The following NPHP4 variants were observed in gnomAD, a reference collection of about 807,000 sequenced individuals.
The protein encoded by NPHP4 is nephrocystin 4.
In NPHP4, 151 loss-of-function variants were observed where a neutral mutation model predicts 155.8. That is an observed-to-expected ratio of 0.97 (90% CI 0.85 to 1.11). The LOEUF is 1.11. NPHP4 is among the 50% of genes least tolerant of loss of function. The pLI is 0.00. For missense variants in NPHP4, 1,956 were observed against 1,925.7 expected (o/e 1.02, Z -0.29); for synonymous variants, 845 against 816.8 (o/e 1.03, Z -0.59).
intron 11 of NPHP4, among the ~76,000 whole-genome samples, chr1:5,924,861 G>A (rs1645917636): frequency 6.6e-6 from 1 of 152,052 alleles, no homozygotes; most frequent in South Asian, 2.1e-4. Flanking sequence ...TTGCTATGTT[G>A]CCCAGGCTGG....
Position 5,866,422 on chromosome 1 carries a change from C to T in NPHP4, c.3595G>A (p.Ala1199Thr). 6.2e-7 allele frequency: 1 copy of T among 1,607,826 alleles called. No homozygotes were observed. Among genetic ancestry groups the T allele is most frequent in the Non-Finnish European group, 8.5e-7 (1 of 1,176,662 alleles). Residue 1199 changes from alanine (A) to threonine (T), a missense_variant, in exon 26 of 30, where the codon GCC becomes ACC. Coordinates refer to ENST00000378156, the MANE Select transcript of NPHP4 (RefSeq NM_015102.5). ...TTGATCTCCGGGCTTGGACCACTGG[C>T]CACCTTCAGAAATATGTCCCGTGGT... is the stretch of plus-strand genomic sequence containing the variant. ...GEPRDIFLKVASGPSPEIKDF... is the reference protein window; with the variant it reads ...GEPRDIFLKVTSGPSPEIKDF...
At chr1:5,878,700 C>T (rs1642876747) in intron 19 of NPHP4, among the ~76,000 whole-genome samples, 1 of 152,236 alleles carries the variant, frequency 6.6e-6, no homozygotes, top group South Asian at 2.1e-4. Flanking sequence ...GACCTCAGGG[C>T]CTCTGATTGT....
At position 5,906,013 on chromosome 1, in the gene NPHP4, T is replaced by C. The variant is rs945271313; in HGVS notation, c.1612-230A>G. 3.9e-5 allele frequency among the ~76,000 whole-genome samples: 6 copies of C among 152,238 alleles called. No homozygotes were observed. The East Asian group carries it at 1.2e-3, about 29-fold the overall frequency. On this transcript the variant is annotated intron_variant, in intron 13 of 29. Coordinates refer to ENST00000378156, the MANE Select transcript of NPHP4 (RefSeq NM_015102.5). ...TATACTTACACTAAAAAATTATTTG[T>C]TGTGTACCTGAGGTTCAAATTTAAC...
chr1:5,947,317 A>G, intron 8 of NPHP4, 87 bp from the exon 9 acceptor site: 1 of 1,470,628 alleles, frequency 6.8e-7, no homozygotes, highest in South Asian at 1.2e-5. Flanking sequence ...AGAACAGTCA[A>G]GGGGACACCC....
chr1:5,987,204 T>C (rs1029594580), intron 1 of NPHP4, among the ~76,000 whole-genome samples: 2 of 152,148 alleles, frequency 1.3e-5, no homozygotes, highest in African/African-American at 4.8e-5. Flanking sequence ...TTGAGTGTTA[T>C]CTGATCCTGT....
chr1:5,900,148 A>G (rs185549245), intron 16 of NPHP4, among the ~76,000 whole-genome samples: 113 of 152,350 alleles, frequency 7.4e-4, no homozygotes, highest in African/African-American at 2.7e-3. Context: ...GGAAGACAGT[A>G]TGGTGACTCC....
intron 2 of NPHP4, among the ~76,000 whole-genome samples, chr1:5,983,932 C>G (rs1655093442): frequency 6.6e-6 from 1 of 152,096 alleles, no homozygotes; most frequent in African/African-American, 2.4e-5. Flanking sequence ...TTAGAGTGCA[C>G]TTTTTTGTAA....
intron 5 of NPHP4, 74 bp from the exon 6 acceptor site, chr1:5,962,023 C>G (rs991187253): frequency 8.3e-7 from 1 of 1,206,486 alleles, no homozygotes; most frequent in South Asian, 1.4e-5. Context: ...AGCCAATTAA[C>G]AGAGAATGTT....
At position 5,865,073 on chromosome 1, in the gene NPHP4, G is replaced by T. The variant is rs1180029312; in HGVS notation, c.3816+29C>A. 10 of 1,608,166 alleles carry T rather than the reference G, an allele frequency of 6.2e-6. 1 individual carries two copies. The highest frequency in any genetic ancestry group is 5.3e-5 in the African/African-American group (4 of 74,828). On this transcript the variant is annotated intron_variant, in intron 27 of 29. Coordinates refer to ENST00000378156, the MANE Select transcript of NPHP4 (RefSeq NM_015102.5). Reference sequence around the variant, plus strand: ...GTCTCCAGGCTGGGGTTGGGGAGAGGCTCAGAACAGCCCCCAGAGAGGCCG... The same window carrying T: ...GTCTCCAGGCTGGGGTTGGGGAGAGTCTCAGAACAGCCCCCAGAGAGGCCG...
At chr1:5,983,610 G>A (rs1165345314) in intron 2 of NPHP4, among the ~76,000 whole-genome samples, 3 of 152,130 alleles carry the variant, frequency 2.0e-5, no homozygotes, top group Non-Finnish European at 4.4e-5. Context: ...ATCTTGCTCT[G>A]TATCCTTCTG....
At chr1:5,933,117 G>T in intron 10 of NPHP4, 30 bp downstream of exon 10, 1 of 1,457,290 alleles carries the variant, frequency 6.9e-7, no homozygotes. Context: ...AAGCTCACCG[G>T]AGATGCATAA....
At chr1:5,949,557 G>A (rs1647533278) in intron 7 of NPHP4, among the ~76,000 whole-genome samples, 1 of 152,068 alleles carries the variant, frequency 6.6e-6, no homozygotes, top group Admixed American at 6.6e-5. Flanking sequence ...AAGGCCAGCT[G>A]CTCCCAGGAA....
At chr1:5,880,448 C>A (rs1484409982) in intron 18 of NPHP4, 18 of 551,516 alleles carry the variant, frequency 3.3e-5, no homozygotes, top group Non-Finnish European at 5.8e-5. Flanking sequence ...GGTCTTCATT[C>A]TCCTGCCGTG....
chr1:5,940,471 G>A (rs567813056), intron 9 of NPHP4, among the ~76,000 whole-genome samples: 6 of 152,086 alleles, frequency 3.9e-5, no homozygotes, highest in Non-Finnish European at 8.8e-5. Context: ...AGCAACCAGG[G>A]AAAGGGGACA....
chr1:5,988,271 C>A (rs558990264), intron 1 of NPHP4, among the ~76,000 whole-genome samples: 1 of 152,322 alleles, frequency 6.6e-6, no homozygotes, highest in Admixed American at 6.5e-5. Flanking sequence ...CACAATGACC[C>A]AAGAGACTCC....
intron 16 of NPHP4, among the ~76,000 whole-genome samples, chr1:5,901,008 C>G (rs1180580085): frequency 6.6e-6 from 1 of 151,838 alleles, no homozygotes; most frequent in Admixed American, 6.6e-5. Context: ...GCACTCCAGC[C>G]TGGGTGACAG....
At chr1:5,951,742 A>C (rs1486577194) in intron 7 of NPHP4, among the ~76,000 whole-genome samples, 1 of 152,230 alleles carries the variant, frequency 6.6e-6, no homozygotes, top group Admixed American at 6.5e-5. Flanking sequence ...GCAGTCCCCA[A>C]ACCTGCAAAG....
rs548107508 is a variant in NPHP4 at position 5,944,037 on chromosome 1, T to A, written c.1119+3067A>T. 1.2e-3 allele frequency among the ~76,000 whole-genome samples: 179 copies of A among 149,840 alleles called. No homozygotes were observed. Among genetic ancestry groups the A allele is most frequent in the African/African-American group, 3.7e-3 (150 of 40,830 alleles). ...AAATTTCCCAAAATAAAAAAGTTTT[T>A]AAAAAAAAAAGAAATGTTCATGCCA... On this transcript the variant is annotated intron_variant, in intron 9 of 29. Transcript: ENST00000378156. This position sits in a 1 kb window ranked among gnomAD's most constrained non-coding sequence, Gnocchi z 4.3.
chr1:5,881,375 C>T (rs11121956), intron 18 of NPHP4: 60,192 of 152,130 alleles, frequency 0.4, 12,491 homozygotes, highest in East Asian at 0.75. Context: ...TGAGCTGAGG[C>T]TGGAAAGGGA....
Sources: gnomAD v4.1 joint callset for allele counts (sites outside exome capture counted in the v4.1 genomes callset) on GRCh38, gnomAD v4.1.1 for gene constraint, Gnocchi (gnomAD v3.1) non-coding constraint, MANE v1.5 for transcripts, NCBI Gene and HGNC (gene_info 2026-07-23, HGNC 2026-07-21) for gene names.